Variants in SBF2 observed in about 807,000 individuals in gnomAD.
SBF2 encodes the protein SET binding factor 2.
A neutral mutation model predicts 225.2 loss-of-function variants in SBF2; 112 were observed. The observed-to-expected ratio is 0.50, with a 90% CI of 0.43 to 0.58. The LOEUF (loss-of-function observed/expected upper bound fraction) is 0.58, where lower values mean the gene tolerates loss of function less well. SBF2 is among the 20% of genes least tolerant of loss of function. The pLI is 0.00. For missense variants in SBF2, 1,996 were observed against 2,206.2 expected, an observed-to-expected ratio of 0.90 and a Z score of 1.91; for synonymous variants, 763 against 773.3, an observed-to-expected ratio of 0.99 and a Z score of 0.22.
At chr11:9,906,926 C>A (rs1175258870) in intron 16 of SBF2, among the ~76,000 whole-genome samples, 3 of 152,090 alleles carry the variant, frequency 2.0e-5, no homozygotes, top group Non-Finnish European at 2.9e-5. Context: ...ACCTAGATAC[C>A]TTTGAACTGT....
intron 16 of SBF2, among the ~76,000 whole-genome samples, chr11:9,918,353 TTTTTA>T (rs1863289799): frequency 6.6e-6 from 1 of 151,948 alleles, no homozygotes. Flanking sequence ...GTCCATTTTC[TTTTTA>T]TTTCTTTTTT....
chr11:10,112,465 T>C (rs1357361342), intron 2 of SBF2, among the ~76,000 whole-genome samples: 1 of 152,218 alleles, frequency 6.6e-6, no homozygotes, highest in East Asian at 1.9e-4. Flanking sequence ...CCTCCTTGCC[T>C]TCCGCCATGA....
At chr11:10,052,118 T>A (rs1215923606) in intron 2 of SBF2, among the ~76,000 whole-genome samples, 7 of 150,712 alleles carry the variant, frequency 4.6e-5, no homozygotes, top group African/African-American at 1.5e-4. Context: ...AGGATAAAAA[T>A]CAGGATTTTT....
Position 10,019,996 on chromosome 11 carries a change from C to G in SBF2, c.619+8456G>C, listed in dbSNP as rs906166577. 2.6e-5 allele frequency among the ~76,000 whole-genome samples: 4 copies of G among 152,010 alleles called. No individual in the cohort carries two copies. In the East Asian group the frequency reaches 7.7e-4, roughly 29 times the overall value. Reference sequence around the variant, plus strand: ...TGTTCTTATTGTTATAGTAGATATTCAGACAGACATAAGCAGAGCAGGAGA... The same window carrying G: ...TGTTCTTATTGTTATAGTAGATATTGAGACAGACATAAGCAGAGCAGGAGA... On this transcript the variant is annotated intron_variant, in intron 6 of 39. Coordinates refer to ENST00000256190, the MANE Select transcript of SBF2 (RefSeq NM_030962.4).
chr11:10,225,490 T>G (rs566677247), intron 1 of SBF2, among the ~76,000 whole-genome samples: 137 of 152,172 alleles, frequency 9.0e-4, no homozygotes, highest in African/African-American at 3.1e-3. Context: ...ACAAGGGCTG[T>G]CCCTAAAGAC....
chr11:9,957,703 C>A (rs765360081), intron 16 of SBF2: 1 of 152,272 alleles, frequency 6.6e-6, no homozygotes, highest in Non-Finnish European at 1.5e-5. Flanking sequence ...TCGTGATCCA[C>A]CTGCCTTGGC....
At chr11:10,047,774 T>G (rs2134700373) in intron 2 of SBF2, among the ~76,000 whole-genome samples, 2 of 152,302 alleles carry the variant, frequency 1.3e-5, no homozygotes, top group Middle Eastern at 6.8e-3. Flanking sequence ...AAGGCTTAAC[T>G]GTACCTTAAT....
chr11:9,895,827 A>T, intron 17 of SBF2, 116 bp downstream of exon 17: 1 of 778,360 alleles, frequency 1.3e-6, no homozygotes, highest in Admixed American at 1.8e-5. Flanking sequence ...ATAACCGCAG[A>T]TATATCTTAG....
chr11:10,107,129 A>T (rs181824073), intron 2 of SBF2, among the ~76,000 whole-genome samples: 2 of 152,372 alleles, frequency 1.3e-5, no homozygotes, highest in Admixed American at 1.3e-4. Context: ...ATACATATAC[A>T]TACTTAAATA....
At chr11:10,011,418 G>A (rs1220028628) in intron 6 of SBF2, among the ~76,000 whole-genome samples, 1 of 152,074 alleles carries the variant, frequency 6.6e-6, no homozygotes, top group Admixed American at 6.5e-5. Context: ...TGTAAACATG[G>A]GGTTTCGCCA....
At chr11:10,177,612 A>G (rs897467688) in intron 2 of SBF2, among the ~76,000 whole-genome samples, 5 of 150,884 alleles carry the variant, frequency 3.3e-5, no homozygotes, top group African/African-American at 7.3e-5. Flanking sequence ...AGAGAATAAA[A>G]TACCTAGGAA....
intron 26 of SBF2, among the ~76,000 whole-genome samples, chr11:9,836,746 T>C (rs72853268): frequency 0.029 from 4,432 of 152,262 alleles, 98 homozygotes; most frequent in South Asian, 0.067. Flanking sequence ...TCAATGATCT[T>C]CAATATTGTT....
chr11:10,253,368 G>A (rs1325045136), intron 1 of SBF2, among the ~76,000 whole-genome samples: 2 of 152,090 alleles, frequency 1.3e-5, no homozygotes, highest in Non-Finnish European at 2.9e-5. Context: ...CTTTTTGGGA[G>A]GAGATGCAAG....
intron 2 of SBF2, among the ~76,000 whole-genome samples, chr11:10,131,882 T>A (rs59757006): frequency 0.038 from 5,712 of 152,270 alleles, 334 homozygotes; most frequent in East Asian, 0.19. Flanking sequence ...AATTTAGCAA[T>A]TTTTTATAGA....
chr11:10,089,901 G>C (rs1175912352), intron 2 of SBF2, among the ~76,000 whole-genome samples: 1 of 152,120 alleles, frequency 6.6e-6, no homozygotes, highest in Admixed American at 6.5e-5. Flanking sequence ...CAGCAGTATT[G>C]TTCATAATAG....
At chr11:10,293,930 T>TCCCCGACGCCCGG (rs1490417507) in intron 1 of SBF2, 85 bp downstream of exon 1, 18 of 1,037,286 alleles carry the variant, frequency 1.7e-5, no homozygotes, top group Non-Finnish European at 2.0e-5. Context: ...CCGACGCCCG[T>TCCCCGACGCCCGG]CCCCGACGCC....
chr11:10,264,740 C>G (rs1961798538), intron 1 of SBF2, among the ~76,000 whole-genome samples: 1 of 151,760 alleles, frequency 6.6e-6, no homozygotes. Flanking sequence ...CCCTAGCCCC[C>G]CACCCCCCGA....
At chr11:9,787,890 C>A (rs1452808294) in intron 35 of SBF2, 152 bp from the exon 36 acceptor site, 4 of 689,510 alleles carry the variant, frequency 5.8e-6, no homozygotes, top group Non-Finnish European at 1.0e-5. Flanking sequence ...GGTCTCCCAG[C>A]CAGGAATAGT....
chr11:9,796,404 G>C (rs557681592), intron 32 of SBF2, among the ~76,000 whole-genome samples: 14 of 152,244 alleles, frequency 9.2e-5, no homozygotes, highest in African/African-American at 3.1e-4. Context: ...ATAAGTTATG[G>C]TTCTTGCTTT....
Sources: gnomAD v4.1 joint callset for allele counts (sites outside exome capture counted in the v4.1 genomes callset) on GRCh38, gnomAD v4.1.1 for gene constraint, MANE v1.5 for transcripts, NCBI Gene and HGNC (gene_info 2026-07-23, HGNC 2026-07-21) for gene names.